The following KLHDC4 variants were observed in gnomAD, a reference collection of about 807,000 sequenced individuals.
KLHDC4 encodes the protein kelch domain containing 4, also known as kelch domain-containing protein 4.
KLHDC4 carries 90 observed loss-of-function variants against 62.4 expected under a neutral mutation model. The observed-to-expected ratio is 1.44, with a 90% confidence interval of 1.22 to 1.72. KLHDC4 has a LOEUF of 1.72. Among genes scored for constraint, KLHDC4 ranks in the 40% most tolerant of loss-of-function variants. The probability of loss-of-function intolerance (pLI) is 0.00; values close to 1 mark genes in which losing one functional copy is unlikely to be tolerated. For synonymous variants in KLHDC4, 386 were observed against 284.4 expected (o/e 1.36, Z -3.59); for missense variants, 1,025 against 699.7 (o/e 1.47, Z -5.25).
chr16:87,765,508 G>C (rs2046519615), intron 1 of KLHDC4, among the ~76,000 whole-genome samples: 1 of 152,082 alleles, frequency 6.6e-6, no homozygotes, highest in South Asian at 2.1e-4. Context: ...AAGGGAGGAG[G>C]GGGAGGAAAC....
chr16:87,713,647 G>A lies in KLHDC4; in HGVS notation c.835+851C>T, dbSNP rs1431003454. Among the ~76,000 whole-genome samples, 5 of 151,884 alleles carry A rather than the reference G, an allele frequency of 3.3e-5. No homozygotes were observed. In the South Asian group the frequency reaches 6.2e-4, roughly 19 times the overall value. On this transcript the variant is annotated intron_variant, in intron 8 of 11. Transcript: ENST00000270583. ...TGACGGGCAGCCACTGGCAGGAAAC[G>A]CCGCCAACAGTTCATCTCAGCACAT...
At position 87,718,678 on chromosome 16, in the gene KLHDC4, G is replaced by A. The variant is rs1376836275; in HGVS notation, c.760-4105C>T. Among the ~76,000 whole-genome samples, 108 of 150,164 alleles carry A rather than the reference G, an allele frequency of 7.2e-4. 1 individual carries two copies. The highest frequency in any genetic ancestry group is 1.3e-4 in the Non-Finnish European group (9 of 67,434). ...TGGGAAGTGAGGAGCGTCTCTGCCTGGCCGCCCATCGTCTGGGATGTGAGG... is the reference window on the plus strand; with the variant it reads ...TGGGAAGTGAGGAGCGTCTCTGCCTAGCCGCCCATCGTCTGGGATGTGAGG... On this transcript the variant is annotated intron_variant, in intron 7 of 11. Transcript: ENST00000270583.
At chr16:87,703,235 G>A (rs562656170), downstream of KLHDC4, 3 of 151,916 alleles carry the variant, frequency 2.0e-5, no homozygotes, top group South Asian at 2.1e-4. Context: ...CCGGGTCAGC[G>A]CGCGTGCAGG....
intron 7 of KLHDC4, among the ~76,000 whole-genome samples, chr16:87,719,823 C>T (rs1294251300): frequency 2.6e-5 from 4 of 152,184 alleles, no homozygotes; most frequent in African/African-American, 9.7e-5. Flanking sequence ...GGAGGGTGAG[C>T]GCAACAGGGC....
chr16:87,705,101 A>T (rs1212010167), downstream of KLHDC4, among the ~76,000 whole-genome samples: 1 of 150,364 alleles, frequency 6.7e-6, no homozygotes, highest in African/African-American at 2.5e-5. Context: ...GCCGAGGGAA[A>T]GGCTTCCTAA....
chr16:87,765,117 A>G (rs1334374246), intron 1 of KLHDC4: 2 of 456,042 alleles, frequency 4.4e-6, no homozygotes, highest in Admixed American at 4.7e-5. Flanking sequence ...ACGGCAGGCC[A>G]TAAAACTGGC....
intron 8 of KLHDC4, among the ~76,000 whole-genome samples, chr16:87,712,341 T>C (rs1363061011): frequency 6.6e-6 from 1 of 151,260 alleles, no homozygotes; most frequent in Non-Finnish European, 1.5e-5. Context: ...CACCCGCCCA[T>C]GCCCAGTGTG....
intron 1 of KLHDC4, among the ~76,000 whole-genome samples, chr16:87,763,829 T>A (rs1048903007): frequency 7.2e-5 from 11 of 152,166 alleles, no homozygotes; most frequent in African/African-American, 2.4e-4. Flanking sequence ...GTGACGCCAG[T>A]GGCCTAGCCA....
chr16:87,719,676 A>C (rs983531136), intron 7 of KLHDC4, among the ~76,000 whole-genome samples: 8 of 152,170 alleles, frequency 5.3e-5, no homozygotes, highest in East Asian at 3.8e-4. Context: ...ATACTAAAAA[A>C]AAAAAACAAA....
At chr16:87,761,241 A>T (rs2045851206) in intron 2 of KLHDC4, among the ~76,000 whole-genome samples, 1 of 152,186 alleles carries the variant, frequency 6.6e-6, no homozygotes, top group Admixed American at 6.5e-5. Context: ...GCAGGTGATG[A>T]TAACCCTGCC....
intron 5 of KLHDC4, chr16:87,741,098 C>G (rs12444553): frequency 0.2 from 30,992 of 152,124 alleles, 3,326 homozygotes; most frequent in South Asian, 0.31. Context: ...GTGTCTGTTG[C>G]TAGAATGGAG....
intron 1 of KLHDC4, chr16:87,764,931 G>T: frequency 2.9e-6 from 1 of 350,290 alleles, no homozygotes; most frequent in South Asian, 2.1e-5. Flanking sequence ...CAATGACTTA[G>T]GAAGAAAAGG....
At chr16:87,748,966 G>C (rs1056826016) in intron 4 of KLHDC4, among the ~76,000 whole-genome samples, 157 bp from the exon 5 acceptor site, 4 of 147,388 alleles carry the variant, frequency 2.7e-5, no homozygotes, top group Non-Finnish European at 4.5e-5. Context: ...CCTCTAAGGG[G>C]AGGATTCCAG....
At position 87,756,441 on chromosome 16, in the gene KLHDC4, A is replaced by G; in HGVS notation, c.228T>C (p.Asp76=). 6.2e-7 allele frequency: 1 copy of G among 1,614,020 alleles called. No homozygotes were observed. Among genetic ancestry groups the G allele is most frequent in the Non-Finnish European group, 8.5e-7 (1 of 1,179,908 alleles). ...NASLSVHPEK[D]ELILFGGEYF... ...ATTCACCTCCAAAAAGGATTAACTC[A>G]TCTTTCTCAGGATGAACCGAGAGGG... Residue 76 remains aspartate (D), a synonymous_variant, in exon 3 of 12, where the codon GAT becomes GAC. Coordinates refer to ENST00000270583, the MANE Select transcript of KLHDC4 (RefSeq NM_017566.4).
chr16:87,700,620 T>G (rs1468785889), exon 1 of KLHDC4: 29 of 79,376 alleles, frequency 3.7e-4, no homozygotes, highest in Admixed American at 7.2e-4. Flanking sequence ...GGAAACAGGG[T>G]GGAGGGAGGA....
exon 1 of KLHDC4, chr16:87,698,732 A>AGGAGAAG (rs1349429212): frequency 6.6e-6 from 1 of 152,182 alleles, no homozygotes; most frequent in Non-Finnish European, 1.5e-5. Flanking sequence ...GGGGTGATTA[A>AGGAGAAG]GCAGAAGGCT....
At chr16:87,750,117 G>A (rs749154202) in intron 4 of KLHDC4, 8 of 152,334 alleles carry the variant, frequency 5.3e-5, no homozygotes, top group Middle Eastern at 3.4e-3. Context: ...CAAGAACTGC[G>A]GGAGGCAGAG....
intron 2 of KLHDC4, among the ~76,000 whole-genome samples, chr16:87,758,774 C>A (rs756980986): frequency 1.3e-5 from 2 of 152,192 alleles, no homozygotes; most frequent in Admixed American, 6.5e-5. Flanking sequence ...CAAGGTTGGT[C>A]TAGAGTTTCT....
intron 7 of KLHDC4, among the ~76,000 whole-genome samples, chr16:87,717,815 T>G (rs2037307579): frequency 6.7e-6 from 1 of 149,692 alleles, no homozygotes; most frequent in South Asian, 2.1e-4. Flanking sequence ...TCGGCAGGTC[T>G]CTGTCTCCTT....
Sources: allele counts gnomAD v4.1 joint callset (sites outside exome capture counted in the v4.1 genomes callset), GRCh38; gene constraint gnomAD v4.1.1; transcripts MANE v1.5; gene names NCBI Gene and HGNC (gene_info 2026-07-23, HGNC 2026-07-21).